SGK3: variants seen among roughly 807,000 people sequenced by gnomAD.
The protein encoded by SGK3 is serum/glucocorticoid regulated kinase family member 3.
A neutral mutation model predicts 68.5 loss-of-function variants in SGK3; 47 were observed. The observed-to-expected ratio is 0.69, with a 90% confidence interval of 0.54 to 0.87. SGK3 has a LOEUF of 0.87. SGK3 is among the 40% of genes least tolerant of loss of function. SGK3 has a pLI of 0.00. For synonymous variants in SGK3, 181 were observed against 189.1 expected (o/e 0.96, Z 0.35); for missense variants, 479 against 575.5 (o/e 0.83, Z 1.72).
chr8:66,749,627 G>C (rs1194604030), intron 1 of SGK3, among the ~76,000 whole-genome samples: 1 of 152,038 alleles, frequency 6.6e-6, no homozygotes, highest in Non-Finnish European at 1.5e-5. Flanking sequence ...TTGAGATTGA[G>C]ATAATTTGGT....
At chr8:66,859,060 C>T (rs186692898) in intron 16 of SGK3, among the ~76,000 whole-genome samples, 2 of 152,252 alleles carry the variant, frequency 1.3e-5, no homozygotes, top group Admixed American at 6.5e-5. Context: ...GGGCCAGGCG[C>T]GGTGGCTCAC....
At chr8:66,715,244 G>T (rs76129542) in intron 1 of SGK3, among the ~76,000 whole-genome samples, 22,934 of 151,452 alleles carry the variant, frequency 0.15, 3,512 homozygotes, top group African/African-American at 0.39. Flanking sequence ...TTGACAGCTT[G>T]CTTTCTTTCT....
intron 1 of SGK3, among the ~76,000 whole-genome samples, chr8:66,726,240 C>T (rs368602491): frequency 1.3e-5 from 2 of 152,056 alleles, no homozygotes; most frequent in African/African-American, 2.4e-5. Flanking sequence ...CTCATAATAA[C>T]GCTGTGGGAT....
intron 1 of SGK3, among the ~76,000 whole-genome samples, chr8:66,718,855 CAAAGAGA>C: frequency 6.6e-6 from 1 of 152,150 alleles, no homozygotes; most frequent in Admixed American, 6.5e-5. Flanking sequence ...ATGACCAGCT[CAAAGAGA>C]ATTTTGGAAT....
intron 1 of SGK3, among the ~76,000 whole-genome samples, chr8:66,718,531 T>C (rs984820843): frequency 1.1e-4 from 16 of 151,896 alleles, no homozygotes; most frequent in Non-Finnish European, 4.4e-5. Context: ...TTTGTTTTGT[T>C]TCGTTTGTTT....
chr8:66,759,080 CTTT>C (rs752312636), intron 1 of SGK3, among the ~76,000 whole-genome samples: 1 of 140,396 alleles, frequency 7.1e-6, no homozygotes, highest in Non-Finnish European at 1.6e-5. Context: ...TTCTTTTCTT[CTTT>C]TTTTTTTTTT....
At chr8:66,813,358 A>G (rs1304285563) in intron 4 of SGK3, among the ~76,000 whole-genome samples, 1 of 152,192 alleles carries the variant, frequency 6.6e-6, no homozygotes, top group Non-Finnish European at 1.5e-5. Context: ...TGTTTTTCAC[A>G]GTGGAAGTTA....
At chr8:66,784,909 C>T (rs1289521513) in intron 1 of SGK3, among the ~76,000 whole-genome samples, 1 of 152,060 alleles carries the variant, frequency 6.6e-6, no homozygotes, top group Non-Finnish European at 1.5e-5. Flanking sequence ...AAACTGTATC[C>T]TTGATAGTGT....
chr8:66,846,778 C>A (rs2130738499), intron 14 of SGK3, among the ~76,000 whole-genome samples: 1 of 152,272 alleles, frequency 6.6e-6, no homozygotes, highest in Middle Eastern at 3.4e-3. Flanking sequence ...TATCTTCAGG[C>A]CTCCATCTCT....
chr8:66,825,296 C>T (rs1350673294), intron 6 of SGK3, among the ~76,000 whole-genome samples: 2 of 146,452 alleles, frequency 1.4e-5, no homozygotes, highest in African/African-American at 2.5e-5. Context: ...AAAAGCCATA[C>T]TTTGTTGTAT....
At chr8:66,717,207 G>GAA (rs980569187) in intron 1 of SGK3, among the ~76,000 whole-genome samples, 1 of 101,812 alleles carries the variant, frequency 9.8e-6, no homozygotes, top group African/African-American at 4.5e-5. Context: ...CTCTTTATCT[G>GAA]AAAAAAAAAA....
intron 1 of SGK3, 112 bp from the exon 2 acceptor site, chr8:66,793,504 A>G (rs1807550139): frequency 5.6e-6 from 2 of 355,460 alleles, no homozygotes; most frequent in African/African-American, 4.1e-5. Context: ...CTGATGAGCA[A>G]AAGTAGGTTC....
chr8:66,757,663 C>A (rs999494664), intron 1 of SGK3, among the ~76,000 whole-genome samples: 3 of 151,042 alleles, frequency 2.0e-5, no homozygotes, highest in African/African-American at 7.3e-5. Context: ...ACCTGTAATC[C>A]CAGCACTTTG....
intron 1 of SGK3, among the ~76,000 whole-genome samples, chr8:66,736,605 A>G (rs1402958669): frequency 6.7e-6 from 1 of 149,164 alleles, no homozygotes; most frequent in Non-Finnish European, 1.5e-5. Context: ...CTACAGGCAC[A>G]TGCCACCATG....
chr8:66,760,913 A>C (rs1806147148), intron 1 of SGK3, among the ~76,000 whole-genome samples: 2 of 151,566 alleles, frequency 1.3e-5, no homozygotes, highest in African/African-American at 4.8e-5. Flanking sequence ...GCTACTTGGG[A>C]GGCTGAGGCA....
intron 1 of SGK3, among the ~76,000 whole-genome samples, chr8:66,716,662 GAAGT>G (rs1348195780): frequency 6.6e-6 from 1 of 152,142 alleles, no homozygotes; most frequent in African/African-American, 2.4e-5. Context: ...AGATGTGTGT[GAAGT>G]AAGTGATGTT....
chr8:66,827,132 G>A (rs183710930), intron 6 of SGK3, among the ~76,000 whole-genome samples: 27 of 151,414 alleles, frequency 1.8e-4, no homozygotes, highest in Middle Eastern at 3.4e-3. Context: ...CTGTAATCCC[G>A]CCACTTTGGG....
At chr8:66,810,170 G>GT (rs1315197543) in intron 4 of SGK3, among the ~76,000 whole-genome samples, 5 of 151,130 alleles carry the variant, frequency 3.3e-5, no homozygotes, top group East Asian at 1.9e-4. Flanking sequence ...TGGCTTTACT[G>GT]TTTTTTTAAA....
At chr8:66,716,250 C>T (rs566727087) in intron 1 of SGK3, among the ~76,000 whole-genome samples, 7 of 152,302 alleles carry the variant, frequency 4.6e-5, no homozygotes, top group South Asian at 2.1e-4. Context: ...GGTGCTACTT[C>T]CGCATCTTGT....
Sources: allele counts gnomAD v4.1 joint callset (sites outside exome capture counted in the v4.1 genomes callset), GRCh38; gene constraint gnomAD v4.1.1; transcripts MANE v1.5; gene names NCBI Gene and HGNC (gene_info 2026-07-23, HGNC 2026-07-21).